The following DYNC1I1 variants were observed in gnomAD, a reference collection of about 807,000 sequenced individuals.
DYNC1I1 encodes dynein cytoplasmic 1 intermediate chain 1.
In DYNC1I1, 43 loss-of-function variants were observed where a neutral mutation model predicts 86.6. The observed-to-expected ratio is 0.50, with a 90% CI of 0.39 to 0.64. The LOEUF (loss-of-function observed/expected upper bound fraction) is 0.64. Ranked by LOEUF, DYNC1I1 falls within the 30% of genes least tolerant of loss-of-function variation. The pLI is 0.00. For missense variants in DYNC1I1, 604 were observed against 788.8 expected (o/e 0.77, Z 2.81); for synonymous variants, 262 against 283.7 (o/e 0.92, Z 0.77).
chr7:95,997,795 G>A (rs961925669), intron 10 of DYNC1I1, among the ~76,000 whole-genome samples: 38 of 152,092 alleles, frequency 2.5e-4, no homozygotes, highest in African/African-American at 8.9e-4. Context: ...ACCAAAAGAT[G>A]CTGAGTAAAA....
chr7:95,884,538 A>C (rs528686817), intron 6 of DYNC1I1, among the ~76,000 whole-genome samples: 40 of 152,256 alleles, frequency 2.6e-4, no homozygotes, highest in African/African-American at 7.5e-4. Flanking sequence ...GAGAGTTGAA[A>C]TAAAGGAAGG....
intron 10 of DYNC1I1, among the ~76,000 whole-genome samples, chr7:95,998,586 G>A (rs77868410): frequency 0.014 from 2,130 of 152,298 alleles, 52 homozygotes; most frequent in African/African-American, 0.048. Context: ...AAATCACGTC[G>A]TTTGAATGTG....
intron 1 of DYNC1I1, among the ~76,000 whole-genome samples, chr7:95,776,220 C>T (rs1337879809): frequency 6.6e-6 from 1 of 152,188 alleles, no homozygotes; most frequent in Non-Finnish European, 1.5e-5. Flanking sequence ...TTCCTCTTGA[C>T]AGAGACTTTT....
At chr7:95,989,320 A>T (rs1390704689) in intron 9 of DYNC1I1, among the ~76,000 whole-genome samples, 1 of 152,200 alleles carries the variant, frequency 6.6e-6, no homozygotes, top group Non-Finnish European at 1.5e-5. Flanking sequence ...TCCTTTTTGT[A>T]TCCAAACAAC....
intron 7 of DYNC1I1, among the ~76,000 whole-genome samples, chr7:95,978,534 A>G (rs1793368102): frequency 6.6e-6 from 1 of 152,196 alleles, no homozygotes; most frequent in African/African-American, 2.4e-5. Flanking sequence ...AACTGTGTAG[A>G]TTAAAAAGGT....
intron 6 of DYNC1I1, among the ~76,000 whole-genome samples, chr7:95,935,793 A>G (rs1792024277): frequency 6.6e-6 from 1 of 152,094 alleles, no homozygotes; most frequent in South Asian, 2.1e-4. Context: ...GAAATGGACG[A>G]CAGATTTAAA....
chr7:95,954,374 C>A (rs1792645771), intron 6 of DYNC1I1, among the ~76,000 whole-genome samples: 1 of 151,672 alleles, frequency 6.6e-6, no homozygotes, highest in Non-Finnish European at 1.5e-5. Flanking sequence ...TTCAAGTGCC[C>A]AGTTGCCACG....
intron 16 of DYNC1I1, among the ~76,000 whole-genome samples, chr7:96,096,335 T>C (rs1791004437): frequency 6.6e-6 from 1 of 152,144 alleles, no homozygotes. Flanking sequence ...AAAAAATATA[T>C]TAATTGAGAT....
chr7:95,972,760 A>G (rs1168659125), intron 6 of DYNC1I1, among the ~76,000 whole-genome samples: 1 of 152,128 alleles, frequency 6.6e-6, no homozygotes, highest in Non-Finnish European at 1.5e-5. Flanking sequence ...ACTCTTCTGG[A>G]GCTCAGGCAA....
chr7:96,051,349 C>T (rs1789400595), intron 14 of DYNC1I1, among the ~76,000 whole-genome samples: 1 of 152,088 alleles, frequency 6.6e-6, no homozygotes, highest in East Asian at 1.9e-4. Context: ...CTTCTAAATC[C>T]TTTCTGCTCT....
intron 4 of DYNC1I1, among the ~76,000 whole-genome samples, chr7:95,821,389 G>A (rs986757826): frequency 3.9e-5 from 6 of 152,132 alleles, no homozygotes; most frequent in African/African-American, 9.7e-5. Flanking sequence ...ATATATGGAC[G>A]TCTGTGTGAT....
intron 6 of DYNC1I1, among the ~76,000 whole-genome samples, chr7:95,898,627 T>G (rs1790951122): frequency 6.6e-6 from 1 of 152,214 alleles, no homozygotes; most frequent in Non-Finnish European, 1.5e-5. Context: ...TATTTTTATA[T>G]CTGAAAGTAA....
chr7:96,076,257 C>A, intron 15 of DYNC1I1, 60 bp downstream of exon 15: 1 of 1,590,856 alleles, frequency 6.3e-7, no homozygotes, highest in Non-Finnish European at 8.6e-7. Context: ...GTCGGCCACT[C>A]GCAGTCTCTC....
intron 6 of DYNC1I1, among the ~76,000 whole-genome samples, chr7:95,975,411 C>G (rs529068934): frequency 4.1e-4 from 62 of 152,226 alleles, no homozygotes; most frequent in African/African-American, 1.4e-3. Flanking sequence ...TTTTCTGGCA[C>G]TCTTTGGTGT....
rs553759050 is a variant in DYNC1I1 at position 95,959,768 on chromosome 7, G to C, written c.491-17744G>C. The stretch of plus-strand genomic sequence containing the variant: ...CACCTGTTAAATGGTGCTATTAATA[G>C]AACTTACTCATATATTATTATAAGA... On this transcript the variant is annotated intron_variant, in intron 6 of 16. Coordinates refer to ENST00000447467, the MANE Select transcript of DYNC1I1 (RefSeq NM_001135556.2). Among the ~76,000 whole-genome samples the C allele has an allele frequency of 3.9e-5, 6 of 152,212 alleles. No individual in the cohort carries two copies. The South Asian group carries it at 1.0e-3, about 26-fold the overall frequency.
At chr7:96,063,897 T>C (rs1211105406) in intron 14 of DYNC1I1, among the ~76,000 whole-genome samples, 1 of 152,140 alleles carries the variant, frequency 6.6e-6, no homozygotes, top group Non-Finnish European at 1.5e-5. Flanking sequence ...AATCCTTATA[T>C]TGAAGGGCTC....
intron 9 of DYNC1I1, among the ~76,000 whole-genome samples, chr7:95,995,717 G>A (rs563106812): frequency 4.6e-5 from 7 of 152,180 alleles, no homozygotes; most frequent in Admixed American, 2.0e-4. Flanking sequence ...GAGAGGTAAA[G>A]CGATGTTTGT....
chr7:95,898,593 A>G (rs147535613), intron 6 of DYNC1I1, among the ~76,000 whole-genome samples: 1 of 152,342 alleles, frequency 6.6e-6, no homozygotes, highest in Non-Finnish European at 1.5e-5. Flanking sequence ...TAGGCAGTGG[A>G]AAGATCTAAA....
chr7:95,959,615 G>C (rs1370643277), intron 6 of DYNC1I1, among the ~76,000 whole-genome samples: 1 of 152,144 alleles, frequency 6.6e-6, no homozygotes, highest in Non-Finnish European at 1.5e-5. Flanking sequence ...CAATGAGACA[G>C]TATGGTGGAG....
Sources: allele counts gnomAD v4.1 joint callset (sites outside exome capture counted in the v4.1 genomes callset), GRCh38; gene constraint gnomAD v4.1.1; transcripts MANE v1.5; gene names NCBI Gene and HGNC (gene_info 2026-07-23, HGNC 2026-07-21).